UPRT: variants seen among roughly 807,000 people sequenced by gnomAD.
UPRT encodes the protein RP11-311P8.3.
UPRT carries 5 observed loss-of-function variants against 22.6 expected under a neutral mutation model. That is an observed-to-expected ratio of 0.22 (90% CI 0.12 to 0.47). UPRT has a LOEUF of 0.47. Ranked by LOEUF, UPRT falls within the 20% of genes least tolerant of loss-of-function variation. The pLI, the probability that UPRT is intolerant of heterozygous loss-of-function variation, is 0.99. For missense variants in UPRT, 181 were observed against 239.9 expected, an observed-to-expected ratio of 0.75 and a Z score of 1.62; for synonymous variants, 77 against 87.7, an observed-to-expected ratio of 0.88 and a Z score of 0.68.
upstream of UPRT, among the ~76,000 whole-genome samples, chrX:75,269,758 G>T (rs2082602138): frequency 2.7e-5 from 3 of 111,787 alleles, no homozygotes; most frequent in African/African-American, 9.8e-5. Context: ...AGTAACTCAA[G>T]ATGGATTAAA....
At position 75,300,980 on chromosome X, in the gene UPRT, A is replaced by C. The variant is rs768375040; in HGVS notation, c.823+15A>C. ...CACTCCTCATGGTGAGTTCAGCATG[A>C]GGCAGTAACTAGGGCTCCATATAGT... On this transcript the variant is annotated intron_variant, in intron 6 of 6. Coordinates refer to ENST00000373383, the MANE Select transcript of UPRT (RefSeq NM_145052.4). 3.9e-5 allele frequency: 45 copies of C among 1,150,521 alleles called. No homozygotes were observed. The highest frequency in any genetic ancestry group is 5.1e-5 in the Non-Finnish European group (43 of 846,134). The allele number at this position is 1,150,521 out of a possible 1,213,427, so 94.8% of individuals were successfully genotyped here.
chrX:75,269,191 C>T (rs2082600065), upstream of UPRT, among the ~76,000 whole-genome samples: 1 of 111,561 alleles, frequency 9.0e-6, no homozygotes, highest in African/African-American at 3.3e-5. Context: ...AGGAATAAAA[C>T]TTACAAGGGG....
chrX:75,196,486 A>G (rs183813135), intron 4 of UPRT, among the ~76,000 whole-genome samples: 3 of 112,725 alleles, frequency 2.7e-5, no homozygotes, highest in African/African-American at 9.6e-5. Context: ...TATCTTGACA[A>G]ACTTTCTTGT....
chrX:75,279,002 C>A (rs1394308408), intron 1 of UPRT, among the ~76,000 whole-genome samples: 1 of 111,363 alleles, frequency 9.0e-6, no homozygotes, highest in African/African-American at 3.3e-5. Flanking sequence ...GTCTCTCTCT[C>A]TTTTTTTAAA....
intron 4 of UPRT, among the ~76,000 whole-genome samples, chrX:75,208,504 A>G (rs907488267): frequency 2.7e-5 from 3 of 111,787 alleles, no homozygotes; most frequent in Non-Finnish European, 1.9e-5. Context: ...GGGAATAGTG[A>G]AAAAGGCATC....
intron 4 of UPRT, among the ~76,000 whole-genome samples, chrX:75,233,522 AG>A (rs1387511037): frequency 9.0e-6 from 1 of 110,580 alleles, no homozygotes; most frequent in Non-Finnish European, 1.9e-5. Context: ...AAAAATGTGA[AG>A]GGCAGCCAGA....
At chrX:75,170,186 G>A (rs180733034) in intron 4 of UPRT, among the ~76,000 whole-genome samples, 400 of 109,993 alleles carry the variant, frequency 3.6e-3, no homozygotes, top group Non-Finnish European at 6.3e-3. Flanking sequence ...ATAGGTGCAC[G>A]CCACCACGCC....
At chrX:75,296,459 T>G in intron 3 of UPRT, 48 bp downstream of exon 3, 1 of 1,086,466 alleles carries the variant, frequency 9.2e-7, no homozygotes, top group Non-Finnish European at 1.3e-6. Flanking sequence ...AATTCTGAGC[T>G]AGAATGGGGA....
At chrX:75,187,896 G>A (rs1449644716) in intron 4 of UPRT, among the ~76,000 whole-genome samples, 1 of 111,737 alleles carries the variant, frequency 8.9e-6, no homozygotes, top group Non-Finnish European at 1.9e-5. Flanking sequence ...GCACTTCTCT[G>A]TATTGGTTAT....
intron 4 of UPRT, among the ~76,000 whole-genome samples, chrX:75,219,950 G>C (rs1218193523): frequency 1.8e-5 from 2 of 111,536 alleles, no homozygotes; most frequent in African/African-American, 6.5e-5. Context: ...TGAATATCAA[G>C]TCTGATATTT....
intron 4 of UPRT, among the ~76,000 whole-genome samples, chrX:75,178,324 G>A (rs1009635762): frequency 2.7e-4 from 30 of 111,969 alleles, no homozygotes; most frequent in Admixed American, 2.6e-3. Context: ...GCAAGTGAAA[G>A]GGGTCCGATG....
intron 3 of UPRT, among the ~76,000 whole-genome samples, chrX:75,167,626 C>T (rs1343153453): frequency 8.9e-6 from 1 of 111,978 alleles, no homozygotes; most frequent in Non-Finnish European, 1.9e-5. Flanking sequence ...AAAATAGTTT[C>T]CAAACATTAC....
intron 4 of UPRT, among the ~76,000 whole-genome samples, chrX:75,253,887 G>A (rs1391949860): frequency 8.9e-6 from 1 of 111,999 alleles, no homozygotes; most frequent in African/African-American, 3.2e-5. Flanking sequence ...AAATACAGGG[G>A]TAGAGGAAGC....
intron 3 of UPRT, among the ~76,000 whole-genome samples, chrX:75,297,243 T>G (rs2082729053): frequency 8.9e-6 from 1 of 111,827 alleles, no homozygotes; most frequent in Non-Finnish European, 1.9e-5. Flanking sequence ...CGTGTTATAA[T>G]AAGTCCTATT....
At chrX:75,163,436 CAT>C (rs1281963484) in intron 3 of UPRT, among the ~76,000 whole-genome samples, 1 of 111,709 alleles carries the variant, frequency 9.0e-6, no homozygotes, top group Non-Finnish European at 1.9e-5. Context: ...TGCCATGTAA[CAT>C]AATCAAATCA....
intron 4 of UPRT, among the ~76,000 whole-genome samples, chrX:75,241,343 A>T (rs1319982864): frequency 8.9e-6 from 1 of 112,070 alleles, no homozygotes; most frequent in Non-Finnish European, 1.9e-5. Context: ...ATCACTAATG[A>T]TCAGGGAAAT....
chrX:75,208,637 T>A (rs2082372725), intron 4 of UPRT, among the ~76,000 whole-genome samples: 1 of 111,412 alleles, frequency 9.0e-6, no homozygotes, highest in African/African-American at 3.3e-5. Context: ...AGATCCTGGA[T>A]AAAGTGGTAA....
At chrX:75,174,859 G>A (rs2082241757) in intron 4 of UPRT, among the ~76,000 whole-genome samples, 2 of 111,742 alleles carry the variant, frequency 1.8e-5, no homozygotes, top group African/African-American at 6.5e-5. Context: ...AAGGAATAGG[G>A]TACACTGTTT....
chrX:75,187,562 G>C (rs1380228342), intron 4 of UPRT, among the ~76,000 whole-genome samples: 1 of 111,510 alleles, frequency 9.0e-6, no homozygotes, highest in Non-Finnish European at 1.9e-5. Context: ...GAATCTGAAG[G>C]TTGGACTGCC....
Sources: allele counts gnomAD v4.1 joint callset (sites outside exome capture counted in the v4.1 genomes callset), GRCh38; gene constraint gnomAD v4.1.1; transcripts MANE v1.5; gene names NCBI Gene and HGNC (gene_info 2026-07-23, HGNC 2026-07-21).